The following AKAP6 variants were observed in gnomAD, a reference collection of about 807,000 sequenced individuals.
The protein encoded by AKAP6 is A-kinase anchoring protein 6, also known as A-kinase anchor protein 6.
AKAP6 carries 58 observed loss-of-function variants against 188.5 expected under a neutral mutation model. The ratio of observed to expected loss-of-function variants is 0.31; its 90% CI spans 0.25 to 0.38. The LOEUF is 0.38. Ranked by LOEUF, AKAP6 falls within the 10% of genes least tolerant of loss-of-function variation. The pLI is 1.00. For missense variants in AKAP6, 2,710 were observed against 2,740.0 expected (o/e 0.99, Z 0.24); for synonymous variants, 989 against 998.6 (o/e 0.99, Z 0.18).
intron 1 of AKAP6, among the ~76,000 whole-genome samples, chr14:32,390,260 A>G (rs1232844509): frequency 6.6e-6 from 1 of 151,900 alleles, no homozygotes; most frequent in East Asian, 1.9e-4. Context: ...TTCTTGCAGC[A>G]TTTTTTGGAT....
chr14:32,803,881 A>G (rs1370602501), intron 12 of AKAP6, among the ~76,000 whole-genome samples: 7 of 152,174 alleles, frequency 4.6e-5, no homozygotes, highest in Non-Finnish European at 7.3e-5. Context: ...CTGGCTCTCA[A>G]GGAGAGATAG....
chr14:32,617,783 G>A (rs957825118), intron 7 of AKAP6, among the ~76,000 whole-genome samples: 2 of 151,934 alleles, frequency 1.3e-5, no homozygotes, highest in African/African-American at 2.4e-5. Flanking sequence ...GTGCCACCAC[G>A]CCCAGCTAAT....
chr14:32,527,556 T>C (rs1410000736), intron 2 of AKAP6, among the ~76,000 whole-genome samples: 2 of 152,234 alleles, frequency 1.3e-5, no homozygotes, highest in Non-Finnish European at 2.9e-5. Context: ...CCCACTACAA[T>C]GAATGAGAGT....
In AKAP6 at chr14:32,833,567, C is replaced by T. The variant is rs2034843157; in HGVS notation, c.*3762C>T. The T allele has an allele frequency of 6.6e-6, 1 of 152,090 alleles. No individual in the cohort carries two copies. The highest frequency in any genetic ancestry group is 6.5e-5 in the Admixed American group (1 of 15,276). The allele number at this position is 152,090 out of a possible 1,614,324, so 9.4% of individuals were successfully genotyped here. A position where few individuals can be genotyped will look rare whatever the true frequency, so the allele number is the denominator to read the frequency against. ...AACCTAAATTTAGGGCTTCTGGAAA[C>T]CTGAGTTTGATGACTTTGTTGTGTT... On this transcript the variant is annotated 3_prime_UTR_variant, in exon 14 of 14. Coordinates refer to ENST00000280979, the MANE Select transcript of AKAP6 (RefSeq NM_004274.5).
intron 5 of AKAP6, among the ~76,000 whole-genome samples, chr14:32,589,383 T>G (rs1243591352): frequency 6.6e-6 from 1 of 152,196 alleles, no homozygotes; most frequent in Non-Finnish European, 1.5e-5. Flanking sequence ...GGCCTTGAGT[T>G]TCTTCCTTTG....
In AKAP6 at chr14:32,351,167, T is replaced by C. The variant is rs971106050; in HGVS notation, c.-35+21759T>C. ...CATCTTACTTTATTTTTAAGCATTT[T>C]AGATATATATCTTATAGACATTAAA... On this transcript the variant is annotated intron_variant, in intron 1 of 13. Transcript: ENST00000280979. Among the ~76,000 whole-genome samples, 4 of 152,370 alleles carry C rather than the reference T, an allele frequency of 2.6e-5. No homozygotes were observed. The East Asian group carries it at 7.7e-4, about 29-fold the overall frequency.
chr14:32,665,425 T>A (rs1888884448), intron 7 of AKAP6, among the ~76,000 whole-genome samples: 1 of 152,146 alleles, frequency 6.6e-6, no homozygotes, highest in Non-Finnish European at 1.5e-5. Flanking sequence ...TTATAAAGGA[T>A]ATTGTAAAGG....
At position 32,650,451 on chromosome 14, in the gene AKAP6, A is replaced by G. The variant is rs558987976; in HGVS notation, c.2731-27860A>G. On this transcript the variant is annotated intron_variant, in intron 7 of 13. Transcript: ENST00000280979. The stretch of plus-strand genomic sequence containing the variant: ...AACACGGTGAAACTCCATTTCTACT[A>G]AAAGTACAAAAATTAGTCGGGTGTG... Among the ~76,000 whole-genome samples, 21 of 152,158 alleles carry G rather than the reference A, an allele frequency of 1.4e-4. No individual in the cohort carries two copies. The South Asian group carries it at 3.5e-3, about 26-fold the overall frequency.
At position 32,830,948 on chromosome 14, in the gene AKAP6, C is replaced by T. The variant is rs929512679; in HGVS notation, c.*1143C>T. On this transcript the variant is annotated 3_prime_UTR_variant, in exon 14 of 14. Transcript: ENST00000280979. ...AACATTACCTAAACTAGAGACTAGA[C>T]GTAAAGCCTTCAGTTTTCAAAATCT... is the stretch of plus-strand genomic sequence containing the variant. The T allele has an allele frequency of 1.6e-4, 25 of 152,214 alleles. No individual in the cohort carries two copies. Among genetic ancestry groups the T allele is most frequent in the Admixed American group, 1.1e-3 (17 of 15,274 alleles). The allele number at this position is 152,214 out of a possible 1,614,324, so 9.4% of individuals were successfully genotyped here.
At chr14:32,693,140 G>A (rs558100306) in intron 8 of AKAP6, among the ~76,000 whole-genome samples, 3 of 152,266 alleles carry the variant, frequency 2.0e-5, no homozygotes, top group Admixed American at 2.0e-4. Flanking sequence ...GTCTGGCTGG[G>A]CTTATTGAAA....
chr14:32,664,007 C>G (rs576555343), intron 7 of AKAP6, among the ~76,000 whole-genome samples: 1 of 151,986 alleles, frequency 6.6e-6, no homozygotes, highest in South Asian at 2.1e-4. Flanking sequence ...AGTTTTCACT[C>G]TAGCCCAAAA....
chr14:32,563,774 C>G (rs183698985), intron 4 of AKAP6, among the ~76,000 whole-genome samples: 6 of 152,114 alleles, frequency 3.9e-5, no homozygotes, highest in Non-Finnish European at 7.3e-5. Flanking sequence ...GATAATTCTC[C>G]TCTAAGTGGC....
chr14:32,582,150 G>T (rs976301091), intron 5 of AKAP6, among the ~76,000 whole-genome samples: 4 of 124,258 alleles, frequency 3.2e-5, no homozygotes, highest in African/African-American at 1.2e-4. Context: ...TCCTTTCCAT[G>T]TTTAGTGCTT....
intron 2 of AKAP6, among the ~76,000 whole-genome samples, chr14:32,454,690 TCCCTCCCTCCCTCC>T (rs1891070713): frequency 3.0e-5 from 1 of 33,244 alleles, no homozygotes; most frequent in Non-Finnish European, 6.4e-5. Context: ...CCTCCTTCCC[TCCCTCCCTCCCTCC>T]CTCCTTCCCT....
At chr14:32,431,380 G>A (rs570170192) in intron 1 of AKAP6, among the ~76,000 whole-genome samples, 3 of 152,324 alleles carry the variant, frequency 2.0e-5, no homozygotes, top group East Asian at 1.9e-4. Context: ...TTCAGGTGGC[G>A]AAGGCTGTTG....
At chr14:32,558,751 C>T (rs1381899604) in intron 4 of AKAP6, among the ~76,000 whole-genome samples, 2 of 152,178 alleles carry the variant, frequency 1.3e-5, no homozygotes, top group African/African-American at 4.8e-5. Context: ...TTGCTTCTCC[C>T]TCTTGCTCTT....
intron 1 of AKAP6, among the ~76,000 whole-genome samples, chr14:32,397,197 T>A (rs991962705): frequency 6.6e-6 from 1 of 152,056 alleles, no homozygotes; most frequent in Non-Finnish European, 1.5e-5. Flanking sequence ...TGAGAACCAC[T>A]ACCTTAGACT....
chr14:32,533,520 G>A (rs1227046824), intron 2 of AKAP6, among the ~76,000 whole-genome samples: 2 of 152,140 alleles, frequency 1.3e-5, no homozygotes, highest in Non-Finnish European at 2.9e-5. Context: ...GTAGTAGATG[G>A]ATTCTGTGAA....
intron 2 of AKAP6, among the ~76,000 whole-genome samples, chr14:32,520,006 A>C (rs139469132): frequency 6.6e-6 from 1 of 152,380 alleles, no homozygotes; most frequent in African/African-American, 2.4e-5. Flanking sequence ...CTCTCAGACC[A>C]CAAGGCAATC....
Sources: gnomAD v4.1 joint callset for allele counts (sites outside exome capture counted in the v4.1 genomes callset) on GRCh38, gnomAD v4.1.1 for gene constraint, MANE v1.5 for transcripts, NCBI Gene and HGNC (gene_info 2026-07-23, HGNC 2026-07-21) for gene names.